ABHD3: variants seen among roughly 807,000 people sequenced by gnomAD.
The protein encoded by ABHD3 is phospholipase ABHD3.
ABHD3 carries 46 observed loss-of-function variants against 48.8 expected under a neutral mutation model. The observed-to-expected ratio is 0.94, with a 90% CI of 0.74 to 1.20. The LOEUF is 1.20. Among genes scored for constraint, ABHD3 ranks in the 50% most tolerant of loss-of-function variants. The probability of loss-of-function intolerance (pLI) is 0.00; values close to 1 mark genes in which losing one functional copy is unlikely to be tolerated. For synonymous variants in ABHD3, 192 were observed against 183.7 expected (o/e 1.04, Z -0.36); for missense variants, 490 against 497.8 (o/e 0.98, Z 0.15).
rs374178490 is a variant in ABHD3, at chr18:21,667,325, A to G, written c.556-3095T>C. Among the ~76,000 whole-genome samples the G allele has an allele frequency of 1.8e-4, 25 of 139,942 alleles. No homozygotes were observed. The East Asian group carries it at 3.4e-3, about 19-fold the overall frequency. 91.8% of individuals were successfully genotyped at this position (139,942 alleles called of 152,430 possible). A position where few individuals can be genotyped will look rare whatever the true frequency, so the allele number is the denominator to read the frequency against. On this transcript the variant is annotated intron_variant, in intron 4 of 8. Coordinates refer to ENST00000289119, the MANE Select transcript of ABHD3 (RefSeq NM_138340.5). ...AATGGCGAGATCTCGGCTCACCGCA[A>G]CCTCCGCCTCCCAGGTTCAAACAAT...
intron 4 of ABHD3, chr18:21,683,102 A>G (rs1352738947): frequency 6.5e-6 from 1 of 152,832 alleles, no homozygotes; most frequent in Non-Finnish European, 1.5e-5. Flanking sequence ...AGCATGACTT[A>G]TTTATAGTCT....
chr18:21,664,346 G>T, intron 4 of ABHD3, 116 bp from the exon 5 acceptor site: 1 of 899,420 alleles, frequency 1.1e-6, no homozygotes, highest in Non-Finnish European at 1.7e-6. Context: ...ACCTTTGTTT[G>T]CACATACTGT....
chr18:21,682,744 C>T (rs930213945), intron 4 of ABHD3, among the ~76,000 whole-genome samples: 8 of 152,206 alleles, frequency 5.3e-5, no homozygotes, highest in East Asian at 1.9e-4. Context: ...TCTTCCCCCC[C>T]GGCTTTGTGT....
intron 8 of ABHD3, among the ~76,000 whole-genome samples, chr18:21,653,720 G>A (rs1328670867): frequency 7.4e-6 from 1 of 134,600 alleles, no homozygotes; most frequent in African/African-American, 3.0e-5. Context: ...GACTGACCGT[G>A]TCTTTACAAA....
chr18:21,672,062 C>G (rs2039769045), intron 4 of ABHD3, among the ~76,000 whole-genome samples: 1 of 152,050 alleles, frequency 6.6e-6, no homozygotes, highest in East Asian at 1.9e-4. Flanking sequence ...TTATATTTAC[C>G]TATGGACTAC....
chr18:21,686,056 T>G (rs901070512), intron 3 of ABHD3, among the ~76,000 whole-genome samples: 9 of 152,308 alleles, frequency 5.9e-5, no homozygotes, highest in Non-Finnish European at 1.3e-4. Flanking sequence ...GTTGCCCAGG[T>G]TGGTCTCTAA....
chr18:21,671,551 G>C (rs1163638420), intron 4 of ABHD3, among the ~76,000 whole-genome samples: 1 of 152,092 alleles, frequency 6.6e-6, no homozygotes. Context: ...CCTTCTGGTA[G>C]ATGAAATCAC....
At chr18:21,704,464 T>C (rs2146346331) in intron 1 of ABHD3, 40 bp downstream of exon 1, 4 of 1,325,272 alleles carry the variant, frequency 3.0e-6, no homozygotes, top group African/African-American at 3.1e-5. Context: ...CCCTAGCTCC[T>C]GGCCCAGCAG....
At chr18:21,671,788 G>A (rs867212447) in intron 4 of ABHD3, among the ~76,000 whole-genome samples, 1 of 152,134 alleles carries the variant, frequency 6.6e-6, no homozygotes, top group South Asian at 2.1e-4. Context: ...AGCAATGACA[G>A]TAATTTATTT....
rs768547587 is a variant in ABHD3 at position 21,651,729 on chromosome 18, A to G, written c.1092T>C (p.Asn364=). 2.5e-6 allele frequency: 4 copies of G among 1,594,992 alleles called. No individual in the cohort carries two copies. The highest frequency in any genetic ancestry group is 4.5e-5 in the East Asian group (2 of 44,342). Reference sequence around the variant, plus strand: ...CATAAGAAGTAAGGACCAAAGCAACATTAGGATTTTGCTTAGCAGTTTCTA... The same window carrying G: ...CATAAGAAGTAAGGACCAAAGCAACGTTAGGATTTTGCTTAGCAGTTTCTA... ...IPIETAKQNP[N]VALVLTSYGG... Residue 364 remains asparagine, a synonymous_variant, in exon 9 of 9, where the codon AAT becomes AAC. Transcript: ENST00000289119.
chr18:21,654,240 T>C (rs780973213), intron 8 of ABHD3, among the ~76,000 whole-genome samples: 1 of 152,060 alleles, frequency 6.6e-6, no homozygotes, highest in African/African-American at 2.4e-5. Flanking sequence ...TATAATGTGA[T>C]TGATGCAATA....
intron 4 of ABHD3, among the ~76,000 whole-genome samples, chr18:21,664,726 G>T (rs1323628955): frequency 1.3e-5 from 2 of 151,804 alleles, no homozygotes; most frequent in Non-Finnish European, 2.9e-5. Context: ...GACCTCCCAG[G>T]CTCAAGCAAT....
chr18:21,651,311 T>C lies in ABHD3; in HGVS notation c.*280A>G, dbSNP rs1245394597. The stretch of plus-strand genomic sequence containing the variant: ...TAAAATTTGTTTTACACAATAGTTT[T>C]GGTTAAGTGCAATTTCATGTACATA... On this transcript the variant is annotated 3_prime_UTR_variant, in exon 9 of 9. Transcript: ENST00000289119. The C allele has an allele frequency of 4.5e-6, 1 of 223,908 alleles. No individual in the cohort carries two copies. Among genetic ancestry groups the C allele is most frequent in the Admixed American group, 5.4e-5 (1 of 18,578 alleles). 13.9% of individuals were successfully genotyped at this position (223,908 alleles called of 1,614,324 possible). A position where few individuals can be genotyped will look rare whatever the true frequency, so the allele number is the denominator to read the frequency against.
At chr18:21,663,931 A>C in intron 5 of ABHD3, 187 bp downstream of exon 5, 27 of 1,429,286 alleles carry the variant, frequency 1.9e-5, no homozygotes, top group Non-Finnish European at 2.5e-5. Flanking sequence ...GAAAAATATT[A>C]AAATTCACCT....
Position 21,656,949 on chromosome 18 carries a change from A to G in ABHD3, c.969T>C (p.Thr323=). The G allele has an allele frequency of 6.2e-7, 1 of 1,614,084 alleles. No individual in the cohort carries two copies. The highest frequency in any genetic ancestry group is 8.5e-7 in the Non-Finnish European group (1 of 1,179,956). The change falls in exon 8 of 9, where the codon ACT becomes ACC. Residue 323 remains threonine, a synonymous_variant. Coordinates refer to ENST00000289119, the MANE Select transcript of ABHD3 (RefSeq NM_138340.5). ...FGYQTIDDYY[T]DASPSPRLKS... ...TCAGTCTAGGACTCGGACTGGCATC[A>G]GTATAATAATCATCAATTGTTTGGT...
intron 4 of ABHD3, among the ~76,000 whole-genome samples, chr18:21,677,221 G>A (rs903923708): frequency 6.6e-5 from 10 of 151,908 alleles, no homozygotes; most frequent in Non-Finnish European, 1.5e-4. Flanking sequence ...TTGAGACAGA[G>A]TCTCGCTCTG....
Position 21,673,086 on chromosome 18 carries a change from T to A in ABHD3, c.556-8856A>T, listed in dbSNP as rs1053741141. On this transcript the variant is annotated intron_variant, in intron 4 of 8. Transcript: ENST00000289119. The stretch of plus-strand genomic sequence containing the variant: ...GGCTTAGAGCAGGTCAGCCAGGAAT[T>A]ATTTTCAGTCCAGGCTCCTAAGAGG... Among the ~76,000 whole-genome samples, 3 of 152,114 alleles carry A rather than the reference T, an allele frequency of 2.0e-5. No homozygotes were observed. The East Asian group carries it at 5.8e-4, about 29-fold the overall frequency.
intron 4 of ABHD3, among the ~76,000 whole-genome samples, chr18:21,667,498 C>T (rs1158252456): frequency 1.3e-5 from 2 of 152,078 alleles, no homozygotes; most frequent in African/African-American, 4.8e-5. Context: ...GCCTCAGCCT[C>T]CCAAAGTGCT....
chr18:21,670,458 A>T (rs774585743), intron 4 of ABHD3, among the ~76,000 whole-genome samples: 11 of 152,182 alleles, frequency 7.2e-5, no homozygotes, highest in Non-Finnish European at 1.2e-4. Context: ...TAATCATGAC[A>T]GTCTTTCTGC....
Sources: allele counts gnomAD v4.1 joint callset (sites outside exome capture counted in the v4.1 genomes callset), GRCh38; gene constraint gnomAD v4.1.1; transcripts MANE v1.5; gene names NCBI Gene and HGNC (gene_info 2026-07-23, HGNC 2026-07-21).